The following APBA2 variants were observed in gnomAD, a reference collection of about 807,000 sequenced individuals.
APBA2 encodes the protein amyloid-beta A4 precursor protein-binding family A member 2.
A neutral mutation model predicts 75.0 loss-of-function variants in APBA2; 30 were observed. That is an observed-to-expected ratio of 0.40 (90% confidence interval 0.30 to 0.54). The LOEUF (loss-of-function observed/expected upper bound fraction) is 0.54, where lower values mean the gene tolerates loss of function less well. Among genes scored for constraint, APBA2 ranks in the 20% least tolerant of loss-of-function variants. The pLI is 0.49. For synonymous variants in APBA2, 444 were observed against 409.6 expected (o/e 1.08, Z -1.01); for missense variants, 801 against 1,016.1 (o/e 0.79, Z 2.88).
At chr15:29,089,402 G>A (rs1469652556) in intron 6 of APBA2, among the ~76,000 whole-genome samples, 1 of 152,206 alleles carries the variant, frequency 6.6e-6, no homozygotes, top group East Asian at 1.9e-4. Flanking sequence ...AAGACTCCGT[G>A]CCTTTGCAGA....
At chr15:29,057,792 A>G (rs1035591781) in intron 4 of APBA2, among the ~76,000 whole-genome samples, 3 of 152,214 alleles carry the variant, frequency 2.0e-5, no homozygotes, top group African/African-American at 7.2e-5. Flanking sequence ...TAAGGCTGCC[A>G]CAGACATCTT....
At chr15:28,940,974 T>C (rs1333278181) in intron 2 of APBA2, among the ~76,000 whole-genome samples, 1 of 152,140 alleles carries the variant, frequency 6.6e-6, no homozygotes, top group Non-Finnish European at 1.5e-5. Context: ...AATTTGAACA[T>C]CAGTAAGAGT....
chr15:29,021,845 C>T (rs182063582), intron 3 of APBA2, among the ~76,000 whole-genome samples: 2 of 152,260 alleles, frequency 1.3e-5, no homozygotes, highest in East Asian at 3.9e-4. Flanking sequence ...CTACTCTCTG[C>T]TTCTATGAGT....
chr15:28,980,097 C>T (rs1327619940), intron 2 of APBA2, among the ~76,000 whole-genome samples: 1 of 152,124 alleles, frequency 6.6e-6, no homozygotes, highest in Non-Finnish European at 1.5e-5. Context: ...TTTAGCTAAA[C>T]ACTTGGTAGA....
intron 6 of APBA2, among the ~76,000 whole-genome samples, chr15:29,077,269 C>A (rs1316030535): frequency 6.6e-6 from 1 of 152,142 alleles, no homozygotes; most frequent in Non-Finnish European, 1.5e-5. Flanking sequence ...TGATTGGGTT[C>A]CTGGTTTATA....
chr15:29,025,835 C>T (rs1317274839), intron 3 of APBA2, among the ~76,000 whole-genome samples: 7 of 151,886 alleles, frequency 4.6e-5, no homozygotes, highest in African/African-American at 1.7e-4. Context: ...CCTGTAATCC[C>T]AGCTACTCGG....
At position 29,014,704 on chromosome 15, in the gene APBA2, GT is replaced by G. The variant is rs531887593; in HGVS notation, c.-41+18917del. ...CAGATTACTCAGTCATCATTTGACT[GT>G]TTTTTTTTTTTTTTTTTTAAAGAGA... On this transcript the variant is annotated intron_variant, in intron 3 of 14. Coordinates refer to ENST00000683413, the MANE Select transcript of APBA2 (RefSeq NM_001353788.2). 4.3e-3 allele frequency among the ~76,000 whole-genome samples: 537 copies of G among 125,596 alleles called. 2 individuals are homozygous for G. Among genetic ancestry groups the G allele is most frequent in the Middle Eastern group, 0.012 (3 of 244 alleles). 82.4% of individuals were successfully genotyped at this position (125,596 alleles called of 152,430 possible).
At chr15:29,094,349 T>C in intron 8 of APBA2, 36 bp downstream of exon 8, 6 of 1,609,474 alleles carry the variant, frequency 3.7e-6, no homozygotes, top group Non-Finnish European at 5.1e-6. Flanking sequence ...ACAGTGTTGT[T>C]TGCTTGTGTT....
chr15:29,078,244 A>G (rs1434679247), intron 6 of APBA2, among the ~76,000 whole-genome samples: 2 of 152,110 alleles, frequency 1.3e-5, no homozygotes, highest in Non-Finnish European at 2.9e-5. Context: ...CAATGAGCCA[A>G]GATCACACCA....
rs1218374833 is a variant in APBA2, at chr15:29,046,683, C to T, written c.-40-7162C>T. ...TGGAATCTTGGGCCATGAACCTGCA[C>T]ACTCTCCAGGTGGGCCTTGTGCCCA... On this transcript the variant is annotated intron_variant, in intron 3 of 14. Coordinates refer to ENST00000683413, the MANE Select transcript of APBA2 (RefSeq NM_001353788.2). The surrounding 1 kb of genome is among the most constrained non-coding windows in gnomAD (Gnocchi z 5.0). 1.3e-5 allele frequency among the ~76,000 whole-genome samples: 2 copies of T among 152,248 alleles called. No individual in the cohort carries two copies. Among genetic ancestry groups the T allele is most frequent in the African/African-American group, 2.4e-5 (1 of 41,472 alleles).
chr15:29,025,468 C>T (rs1239951617), intron 3 of APBA2, among the ~76,000 whole-genome samples: 3 of 132,242 alleles, frequency 2.3e-5, no homozygotes, highest in Admixed American at 1.4e-4. Flanking sequence ...AGGTTTTCAC[C>T]GTGTTAGCCA....
intron 4 of APBA2, among the ~76,000 whole-genome samples, chr15:29,072,482 C>T (rs1394296139): frequency 1.3e-5 from 2 of 152,116 alleles, no homozygotes; most frequent in African/African-American, 2.4e-5. Context: ...GCTTGGTGTT[C>T]CTTGGCCATA....
At chr15:29,002,352 T>C (rs1477556658) in intron 3 of APBA2, among the ~76,000 whole-genome samples, 3 of 152,178 alleles carry the variant, frequency 2.0e-5, no homozygotes, top group Non-Finnish European at 4.4e-5. Context: ...GAATTGCATT[T>C]CCATACAGTC....
Position 28,886,151 on chromosome 15 carries a change from C to A in APBA2, c.-332C>A, listed in dbSNP as rs895796824. The A allele has an allele frequency of 6.6e-6, 1 of 150,608 alleles. No individual in the cohort carries two copies. The allele number at this position is 150,608 out of a possible 1,614,324, so 9.3% of individuals were successfully genotyped here. On this transcript the variant is annotated 5_prime_UTR_variant, in exon 1 of 15. Coordinates refer to ENST00000683413, the MANE Select transcript of APBA2 (RefSeq NM_001353788.2). ...CGCTATTCGGGAAGCTATTCAGCTT[C>A]CCGGGCTCATTAGCAGTCGCGGTGT...
intron 4 of APBA2, among the ~76,000 whole-genome samples, chr15:29,060,627 C>G (rs2042092105): frequency 6.6e-6 from 1 of 152,104 alleles, no homozygotes; most frequent in Non-Finnish European, 1.5e-5. Flanking sequence ...GTGAGGTGAC[C>G]AGTAGATACG....
chr15:29,094,442 C>A, intron 8 of APBA2, 129 bp downstream of exon 8: 1 of 869,318 alleles, frequency 1.2e-6, no homozygotes, highest in East Asian at 2.4e-5. Flanking sequence ...TTCCTCTTCC[C>A]TTGGTAGGTG....
intron 3 of APBA2, among the ~76,000 whole-genome samples, chr15:29,010,912 C>T (rs372507729): frequency 6.6e-6 from 1 of 152,118 alleles, no homozygotes. Flanking sequence ...GTGTACAGTT[C>T]GGTAGTGTTA....
At chr15:29,045,167 T>C (rs2041258484) in intron 3 of APBA2, among the ~76,000 whole-genome samples, 3 of 146,862 alleles carry the variant, frequency 2.0e-5, no homozygotes, top group African/African-American at 7.5e-5. Flanking sequence ...AACCTCCGCC[T>C]CCCAGGTTCG....
chr15:28,995,688 T>C (rs1301567980), intron 2 of APBA2, 65 bp from the exon 3 acceptor site: 1 of 152,226 alleles, frequency 6.6e-6, no homozygotes, highest in Non-Finnish European at 1.5e-5. Flanking sequence ...AGGAGCTCTA[T>C]GTGCGCACCT....
Sources: gnomAD v4.1 joint callset for allele counts (sites outside exome capture counted in the v4.1 genomes callset) on GRCh38, gnomAD v4.1.1 for gene constraint, Gnocchi (gnomAD v3.1) non-coding constraint, MANE v1.5 for transcripts, NCBI Gene and HGNC (gene_info 2026-07-23, HGNC 2026-07-21) for gene names.